CFAP46: variants seen among roughly 807,000 people sequenced by gnomAD.
CFAP46 encodes the protein cilia and flagella associated protein 46.
CFAP46 carries 245 observed loss-of-function variants against 325.7 expected under a neutral mutation model. That is an observed-to-expected ratio of 0.75 (90% confidence interval 0.68 to 0.84). CFAP46 has a LOEUF of 0.84. CFAP46 is among the 40% of genes least tolerant of loss of function. The pLI, the probability that CFAP46 is intolerant of heterozygous loss-of-function variation, is 0.00. For synonymous variants in CFAP46, 1,523 were observed against 1,495.9 expected (o/e 1.02, Z -0.42); for missense variants, 3,346 against 3,543.0 (o/e 0.94, Z 1.41).
chr10:132,810,559 G>T (rs1202783809), intron 56 of CFAP46, 70 bp from the exon 57 acceptor site: 1 of 1,378,478 alleles, frequency 7.3e-7, no homozygotes, highest in Admixed American at 1.7e-5. Context: ...TGCGGGACAG[G>T]CCCGGGATGC....
At position 132,909,183 on chromosome 10, in the gene CFAP46, C is replaced by A. The variant is rs1338645143; in HGVS notation, c.2711G>T (p.Cys904Phe). Reference sequence around the variant, plus strand: ...GAAGTCCATGAGGCCCAGCCCGTTGCATGAGTACATTTCCAAGGCAACGAG... The same window carrying A: ...GAAGTCCATGAGGCCCAGCCCGTTGAATGAGTACATTTCCAAGGCAACGAG... ...RVLVALEMYS[C>F]NGLGLMDFTV... is the part of the protein sequence containing the mutation. The change falls in exon 21 of 58, where the codon TGC becomes TTC. Residue 904 changes from cysteine (C) to phenylalanine (F), a missense_variant. Physicochemically the swap from Cys to Phe is radical, Grantham distance 205. Coordinates refer to ENST00000368586, the MANE Select transcript of CFAP46 (RefSeq NM_001200049.3). The A allele has an allele frequency of 6.5e-7, 1 of 1,550,246 alleles. No individual in the cohort carries two copies. The highest frequency in any genetic ancestry group is 2.4e-5 in the East Asian group (1 of 40,902).
At chr10:132,934,029 G>A (rs764017851) in intron 8 of CFAP46, among the ~76,000 whole-genome samples, 4 of 152,240 alleles carry the variant, frequency 2.6e-5, no homozygotes, top group Non-Finnish European at 4.4e-5. Context: ...GACACGGTGA[G>A]GTCATGGACC....
At chr10:132,867,334 G>A (rs781589983) in intron 34 of CFAP46, 41 bp downstream of exon 34, 17 of 1,531,456 alleles carry the variant, frequency 1.1e-5, no homozygotes, top group Middle Eastern at 2.1e-4. Context: ...ACCGGCGCCC[G>A]CTGGGCTGCG....
chr10:132,937,213 TG>T lies in CFAP46; in HGVS notation c.661-159del. On this transcript the variant is annotated intron_variant, in intron 6 of 57. Coordinates refer to ENST00000368586, the MANE Select transcript of CFAP46 (RefSeq NM_001200049.3). ...TATGTCAAAATGGACTGCTGATGAATGAATGCTTTTGGTACATATTCTTGTA... is the reference window on the plus strand; with the variant it reads ...TATGTCAAAATGGACTGCTGATGAATAATGCTTTTGGTACATATTCTTGTA... 9.7e-6 allele frequency: 5 copies of T among 516,104 alleles called. No individual in the cohort carries two copies. The South Asian group carries it at 1.9e-4, about 19-fold the overall frequency. The allele number at this position is 516,104 out of a possible 1,614,324, so 32.0% of individuals were successfully genotyped here. A position where few individuals can be genotyped will look rare whatever the true frequency, so the allele number is the denominator to read the frequency against.
At chr10:132,878,274 G>A (rs550550759) in intron 29 of CFAP46, among the ~76,000 whole-genome samples, 187 bp from the exon 30 acceptor site, 7 of 152,306 alleles carry the variant, frequency 4.6e-5, no homozygotes, top group South Asian at 2.1e-4. Context: ...GGGCTGGCCC[G>A]GGGTGTGGGC....
chr10:132,834,256 G>C, intron 48 of CFAP46, 133 bp from the exon 49 acceptor site: 1 of 822,272 alleles, frequency 1.2e-6, no homozygotes, highest in Non-Finnish European at 1.9e-6. Context: ...TCTGGGGATG[G>C]TCCCACTGAG....
At chr10:132,885,687 G>A (rs367925791) in intron 26 of CFAP46, 134 bp downstream of exon 26, 79 of 766,698 alleles carry the variant, frequency 1.0e-4, no homozygotes, top group East Asian at 2.7e-4. Flanking sequence ...AGCACACTCC[G>A]GTGGGGGAGC....
At position 132,860,541 on chromosome 10, in the gene CFAP46, T is replaced by C; in HGVS notation, c.5092-18A>G. On this transcript the variant is annotated intron_variant, in intron 36 of 57. Transcript: ENST00000368586. ...TGACACACCTGAGGACAGGCAGGGG[T>C]GGATACGGGTGTGTCTGAGGACAGG... The C allele has an allele frequency of 1.3e-6, 2 of 1,513,962 alleles. No individual in the cohort carries two copies. The highest frequency in any genetic ancestry group is 1.2e-5 in the South Asian group (1 of 83,284). 93.8% of individuals were successfully genotyped at this position (1,513,962 alleles called of 1,614,324 possible). A position where few individuals can be genotyped will look rare whatever the true frequency, so the allele number is the denominator to read the frequency against.
At chr10:132,846,782 C>A in intron 43 of CFAP46, 150 bp downstream of exon 43, 2 of 947,092 alleles carry the variant, frequency 2.1e-6, no homozygotes, top group Non-Finnish European at 3.1e-6. Context: ...CACAAGTTTA[C>A]GTGGCCGGCA....
Position 132,938,601 on chromosome 10 carries a change from G to GCA in CFAP46, c.522_523dup (p.Ala175ValfsTer4). ...GAGCTCAACTCACAGCATCAGCTCA[G>GCA]CACGCCACTCCTTGTCTTCCTCCTC... is the stretch of plus-strand genomic sequence containing the variant. On this transcript the variant is annotated frameshift_variant, in exon 5 of 58. Coordinates refer to ENST00000368586, the MANE Select transcript of CFAP46 (RefSeq NM_001200049.3). LOFTEE classifies it high-confidence loss of function. 1 of 1,613,220 alleles carries GCA rather than the reference G, an allele frequency of 6.2e-7. No individual in the cohort carries two copies. The highest frequency in any genetic ancestry group is 8.5e-7 in the Non-Finnish European group (1 of 1,179,930).
intron 24 of CFAP46, 130 bp from the exon 25 acceptor site, chr10:132,892,547 T>A: frequency 1.3e-6 from 1 of 781,436 alleles, no homozygotes; most frequent in Non-Finnish European, 2.1e-6. Flanking sequence ...CATAAGCAGC[T>A]GTAAATTAAC....
At chr10:132,885,725 G>A (rs1849114482) in intron 26 of CFAP46, 96 bp downstream of exon 26, 6 of 1,353,114 alleles carry the variant, frequency 4.4e-6, no homozygotes, top group Non-Finnish European at 6.0e-6. Flanking sequence ...GCAGTGGGTG[G>A]AGCACTCACA....
intron 50 of CFAP46, among the ~76,000 whole-genome samples, chr10:132,830,193 G>A (rs1474552872): frequency 6.6e-6 from 1 of 151,990 alleles, no homozygotes; most frequent in East Asian, 1.9e-4. Context: ...ACCCAGGCTG[G>A]AGTACAGTGG....
intron 28 of CFAP46, 76 bp from the exon 29 acceptor site, chr10:132,879,707 C>A (rs930933158): frequency 2.2e-6 from 3 of 1,394,590 alleles, no homozygotes; most frequent in South Asian, 1.5e-5. Context: ...CCCTTCCCTG[C>A]CCGAGGCTGT....
At chr10:132,917,508 G>A (rs1849658624) in intron 16 of CFAP46, among the ~76,000 whole-genome samples, 1 of 152,242 alleles carries the variant, frequency 6.6e-6, no homozygotes, top group African/African-American at 2.4e-5. Flanking sequence ...CCCATCACAG[G>A]GACCCTGGAC....
chr10:132,892,451 G>T, intron 24 of CFAP46, 34 bp from the exon 25 acceptor site: 1 of 1,542,708 alleles, frequency 6.5e-7, no homozygotes, highest in South Asian at 1.2e-5. Flanking sequence ...ACGTATATTT[G>T]AAAGTTGCAA....
At chr10:132,893,247 G>A (rs887487634) in intron 24 of CFAP46, among the ~76,000 whole-genome samples, 56 of 152,240 alleles carry the variant, frequency 3.7e-4, no homozygotes, top group African/African-American at 1.2e-3. Flanking sequence ...CACCGTACAC[G>A]TGGACAGTCC....
chr10:132,815,528 T>A (rs1316892911), intron 50 of CFAP46, among the ~76,000 whole-genome samples: 1 of 152,264 alleles, frequency 6.6e-6, no homozygotes, highest in Non-Finnish European at 1.5e-5. Context: ...TTGCGTTTGG[T>A]TCCTGGCTCA....
At chr10:132,866,000 T>G in intron 35 of CFAP46, 25 bp downstream of exon 35, 1 of 1,476,100 alleles carries the variant, frequency 6.8e-7, no homozygotes, top group Non-Finnish European at 9.0e-7. Context: ...CTGTGGATGG[T>G]GATGGGCTGG....
Sources: gnomAD v4.1 joint callset for allele counts (sites outside exome capture counted in the v4.1 genomes callset) on GRCh38, gnomAD v4.1.1 for gene constraint, MANE v1.5 for transcripts, NCBI Gene and HGNC (gene_info 2026-07-23, HGNC 2026-07-21) for gene names.